The following FDXR variants were observed in gnomAD, a reference collection of about 807,000 sequenced individuals.
FDXR encodes ferredoxin reductase, also known as NADPH:adrenodoxin oxidoreductase, mitochondrial.
In FDXR, 38 loss-of-function variants were observed where a neutral mutation model predicts 58.3. The observed-to-expected ratio is 0.65, with a 90% CI of 0.50 to 0.85. The LOEUF (loss-of-function observed/expected upper bound fraction) is 0.85. Among genes scored for constraint, FDXR ranks in the 40% least tolerant of loss-of-function variants. FDXR has a pLI of 0.00. For synonymous variants in FDXR, 275 were observed against 273.8 expected, an observed-to-expected ratio of 1.00 and a Z score of -0.04; for missense variants, 624 against 671.0, an observed-to-expected ratio of 0.93 and a Z score of 0.77.
chr17:74,864,337 G>A lies in FDXR; in HGVS notation c.813C>T (p.Arg271=). The change falls in exon 9 of 12, where the codon CGC becomes CGT. Residue 271 remains arginine (R), a synonymous_variant. Transcript: ENST00000293195. The part of the protein sequence containing the change: ...GLQDKIKEVP[R]PRKRLTELLL... Reference sequence around the variant, plus strand: ...GCAGTTCCGTCAGCCGCTTCCTCGGGCGGGGGACCTCTGTCAGCAACGTAG... The same window carrying A: ...GCAGTTCCGTCAGCCGCTTCCTCGGACGGGGGACCTCTGTCAGCAACGTAG... 1.9e-6 allele frequency: 3 copies of A among 1,576,340 alleles called. No individual in the cohort carries two copies. The highest frequency in any genetic ancestry group is 1.1e-5 in the South Asian group (1 of 87,768).
chr17:74,862,706 G>A lies in FDXR; in HGVS notation c.*111C>T. The A allele has an allele frequency of 3.5e-6, 5 of 1,416,238 alleles. No homozygotes were observed. Among genetic ancestry groups the A allele is most frequent in the Non-Finnish European group, 4.7e-6 (5 of 1,063,236 alleles). 87.7% of individuals were successfully genotyped at this position (1,416,238 alleles called of 1,614,324 possible). On this transcript the variant is annotated 3_prime_UTR_variant, in exon 12 of 12. Transcript: ENST00000293195. ...GCTGGAAGAGCAGCCAAGCCTCCAAGCCAGGGCCGGCCGGGATCAGCAGAG... is the reference window on the plus strand; with the variant it reads ...GCTGGAAGAGCAGCCAAGCCTCCAAACCAGGGCCGGCCGGGATCAGCAGAG...
At position 74,862,588 on chromosome 17, in the gene FDXR, G is replaced by A; in HGVS notation, c.*229C>T. The A allele has an allele frequency of 3.6e-6, 2 of 557,868 alleles. No individual in the cohort carries two copies. Among genetic ancestry groups the A allele is most frequent in the East Asian group, 5.9e-5 (2 of 33,794 alleles). 34.6% of individuals were successfully genotyped at this position (557,868 alleles called of 1,614,324 possible). On this transcript the variant is annotated 3_prime_UTR_variant, in exon 12 of 12. Transcript: ENST00000293195. ...GAGAGATGGGTAAGGGGTTAGATCG[G>A]CCCACACCTCCACCTGTCCCTAAGG...
At position 74,866,436 on chromosome 17, in the gene FDXR, C is replaced by G; in HGVS notation, c.393+10G>C. 6.2e-7 allele frequency: 1 copy of G among 1,612,608 alleles called. No individual in the cohort carries two copies. The highest frequency in any genetic ancestry group is 2.2e-5 in the East Asian group (1 of 44,788). ...CCTGCCTCCCCAAGCCAGGGCCTAG[C>G]TGCACTCACCAGCACCACAGCGTGG... On this transcript the variant is annotated intron_variant, in intron 4 of 11. Coordinates refer to ENST00000293195, the MANE Select transcript of FDXR (RefSeq NM_024417.5).
At chr17:74,867,940 CA>C (rs2038248786) in intron 2 of FDXR, among the ~76,000 whole-genome samples, 1 of 152,108 alleles carries the variant, frequency 6.6e-6, no homozygotes, top group African/African-American at 2.4e-5. Context: ...GTAAAGCAGT[CA>C]GGGGTCCCAC....
At position 74,866,838 on chromosome 17, in the gene FDXR, A is replaced by G; in HGVS notation, c.216T>C (p.Pro72=). The G allele has an allele frequency of 6.2e-7, 1 of 1,614,230 alleles. No homozygotes were observed. The highest frequency in any genetic ancestry group is 8.5e-7 in the Non-Finnish European group (1 of 1,180,046). The stretch of plus-strand genomic sequence containing the variant: ...CAAAGCGCACCAGGCCAAAGGGCAC[A>G]GGCTGTTTCTCGTAGATGTCCACGT... The part of the protein sequence containing the change: ...QAHVDIYEKQ[P]VPFGLVRFGV... The change falls in exon 3 of 12, where the codon CCT becomes CCC. Residue 72 remains proline, a synonymous_variant. Transcript: ENST00000293195.
At chr17:74,863,012 AGAGT>A (rs2038026696) in intron 11 of FDXR, 60 bp downstream of exon 11, 3 of 1,602,970 alleles carry the variant, frequency 1.9e-6, no homozygotes, top group East Asian at 4.5e-5. Flanking sequence ...CCCCTCCCAA[AGAGT>A]GAGGCCCAGA....
chr17:74,872,346 C>T, intron 1 of FDXR: 1 of 1,378,232 alleles, frequency 7.3e-7, no homozygotes. Flanking sequence ...CCACATCTCA[C>T]CCATGAACCT....
At position 74,865,823 on chromosome 17, in the gene FDXR, G is replaced by A. The variant is rs755980397; in HGVS notation, c.508-3C>T. On this transcript the variant is annotated splice_polypyrimidine_tract_variant and splice_region_variant and intron_variant, in intron 5 of 11. Transcript: ENST00000293195. Reference sequence around the variant, plus strand: ...TCACAGCTCAGGTCTGGCTCCAGCTGGAGGGGAAAGGTCTTGATAGGGTCC... The same window carrying A: ...TCACAGCTCAGGTCTGGCTCCAGCTAGAGGGGAAAGGTCTTGATAGGGTCC... 2 of 1,610,246 alleles carry A rather than the reference G, an allele frequency of 1.2e-6. No homozygotes were observed. The highest frequency in any genetic ancestry group is 1.7e-6 in the Non-Finnish European group (2 of 1,177,732).
chr17:74,864,907 G>A lies in FDXR; in HGVS notation c.634C>T (p.Leu212=), dbSNP rs775293878. The change falls in exon 7 of 12, where the codon CTG becomes TTG. Residue 212 remains leucine, a synonymous_variant. Transcript: ENST00000293195. ...LERTDITKAA[L]GVLRQSRVKT... ...ACTCGACTCTGCCTCAGTACACCCAGGGCTGCCTTCGTGATGTCCGTTCTC... is the reference window on the plus strand; with the variant it reads ...ACTCGACTCTGCCTCAGTACACCCAAGGCTGCCTTCGTGATGTCCGTTCTC... 3.1e-6 allele frequency: 5 copies of A among 1,614,164 alleles called. No homozygotes were observed. The South Asian group carries it at 4.4e-5, about 14-fold the overall frequency.
intron 2 of FDXR, chr17:74,870,121 C>T: frequency 2.7e-6 from 1 of 371,064 alleles, no homozygotes; most frequent in Non-Finnish European, 5.8e-6. Context: ...AAAGATCAGC[C>T]CAAGGATCAG....
chr17:74,863,013 G>A (rs1262529502), intron 11 of FDXR, 63 bp downstream of exon 11: 11 of 1,602,868 alleles, frequency 6.9e-6, no homozygotes, highest in Non-Finnish European at 9.4e-6. Context: ...CCCTCCCAAA[G>A]AGTGAGGCCC....
chr17:74,863,974 G>A lies in FDXR; in HGVS notation c.1096C>T (p.Pro366Ser). ...TCAAAGGGCACGCTTGGGTCGACAG[G>A]GCGGCTCTTATACCCAATGCTGCTG... The part of the protein sequence containing the change: ...VLSSIGYKSR[P>S]VDPSVPFDSK... Residue 366 changes from proline to serine, a missense_variant, in exon 10 of 12, where the codon CCT becomes TCT. Coordinates refer to ENST00000293195, the MANE Select transcript of FDXR (RefSeq NM_024417.5). 6.2e-7 allele frequency: 1 copy of A among 1,614,088 alleles called. No homozygotes were observed. Among genetic ancestry groups the A allele is most frequent in the South Asian group, 1.1e-5 (1 of 91,086 alleles).
chr17:74,865,313 T>C (rs977422957), intron 6 of FDXR, among the ~76,000 whole-genome samples: 2 of 151,970 alleles, frequency 1.3e-5, no homozygotes, highest in African/African-American at 2.4e-5. Context: ...GCTGTGGCGA[T>C]GATATGCGGT....
At chr17:74,863,568 G>C (rs935595181) in intron 10 of FDXR, among the ~76,000 whole-genome samples, 1 of 152,166 alleles carries the variant, frequency 6.6e-6, no homozygotes, top group African/African-American at 2.4e-5. Flanking sequence ...TAGGTATGTG[G>C]GCACTTAGTA....
chr17:74,865,101 C>G (rs2038128308), intron 6 of FDXR, 170 bp from the exon 7 acceptor site: 1 of 799,014 alleles, frequency 1.3e-6, no homozygotes, highest in African/African-American at 1.7e-5. Context: ...GCAAATGGCT[C>G]CAACTAATAG....
chr17:74,865,739 T>C lies in FDXR; in HGVS notation c.589A>G (p.Thr197Ala). 6.2e-7 allele frequency: 1 copy of C among 1,612,008 alleles called. No homozygotes were observed. The highest frequency in any genetic ancestry group is 8.5e-7 in the Non-Finnish European group (1 of 1,179,650). ...VALDVARILL[T>A]PPEHLERTDI... ...CTCACCTCCAGGTGCTCAGGTGGGG[T>C]CAGTAGGATGCGGGCCACGTCCAGA... The change falls in exon 6 of 12, where the codon ACC (threonine) becomes GCC (alanine). Residue 197 changes from threonine to alanine, a missense_variant. Thr to Ala is a moderately conservative substitution (Grantham distance 58, BLOSUM62 0). Coordinates refer to ENST00000293195, the MANE Select transcript of FDXR (RefSeq NM_024417.5).
intron 1 of FDXR, chr17:74,872,664 C>T (rs1210634432): frequency 8.5e-7 from 1 of 1,182,942 alleles, no homozygotes; most frequent in Non-Finnish European, 1.2e-6. Context: ...CCTTTGTTGA[C>T]CTCCGTCTCT....
intron 2 of FDXR, among the ~76,000 whole-genome samples, chr17:74,867,328 A>AG (rs1458868931): frequency 6.6e-6 from 1 of 150,814 alleles, no homozygotes; most frequent in East Asian, 1.9e-4. Flanking sequence ...AAAAAAAAAA[A>AG]AAAAAGACGA....
chr17:74,862,814 G>C lies in FDXR; in HGVS notation c.*3C>G, dbSNP rs747012697. ...CTGCTGGGGGCCGGGGCTGGGGCTGGGCTCAGTGGCCCAGGAGGCGCAGCA... is the reference window on the plus strand; with the variant it reads ...CTGCTGGGGGCCGGGGCTGGGGCTGCGCTCAGTGGCCCAGGAGGCGCAGCA... On this transcript the variant is annotated 3_prime_UTR_variant, in exon 12 of 12. Transcript: ENST00000293195. The C allele has an allele frequency of 8.1e-6, 13 of 1,607,918 alleles. No individual in the cohort carries two copies. The highest frequency in any genetic ancestry group is 1.0e-5 in the Non-Finnish European group (12 of 1,179,148).
Sources: gnomAD v4.1 joint callset for allele counts (sites outside exome capture counted in the v4.1 genomes callset) on GRCh38, gnomAD v4.1.1 for gene constraint, MANE v1.5 for transcripts, NCBI Gene and HGNC (gene_info 2026-07-23, HGNC 2026-07-21) for gene names.